The following METTL15 variants were observed in gnomAD, a reference collection of about 807,000 sequenced individuals.
METTL15 encodes 12S rRNA N(4)-cytidine methyltransferase METTL15.
A neutral mutation model predicts 38.3 loss-of-function variants in METTL15; 34 were observed. The observed-to-expected ratio is 0.89, with a 90% CI of 0.68 to 1.18. The LOEUF is 1.18. METTL15 is among the 50% of genes most tolerant of loss of function. The pLI, the probability that METTL15 is intolerant of heterozygous loss-of-function variation, is 0.00. For missense variants in METTL15, 438 were observed against 498.4 expected (o/e 0.88, Z 1.15); for synonymous variants, 162 against 170.9 (o/e 0.95, Z 0.41).
chr11:28,408,576 G>GTAA (rs1160348032), intron 5 of METTL15, among the ~76,000 whole-genome samples: 9 of 152,088 alleles, frequency 5.9e-5, no homozygotes, highest in African/African-American at 2.2e-4. Flanking sequence ...GACATAATAT[G>GTAA]TAATAATAGG....
intron 6 of METTL15, among the ~76,000 whole-genome samples, chr11:28,317,385 G>A (rs142578234): frequency 5.0e-4 from 76 of 151,850 alleles, no homozygotes; most frequent in Admixed American, 1.6e-3. Flanking sequence ...CAGGCAAAAG[G>A]ACATGGGTTG....
intron 4 of METTL15, among the ~76,000 whole-genome samples, chr11:28,360,587 G>A (rs1017601900): frequency 1.3e-5 from 2 of 152,070 alleles, no homozygotes; most frequent in Admixed American, 6.5e-5. Context: ...ACACTGCCTG[G>A]GTTCCAGAGG....
chr11:28,511,853 C>T (rs1851677047), intron 6 of METTL15, among the ~76,000 whole-genome samples: 1 of 152,152 alleles, frequency 6.6e-6, no homozygotes, highest in Admixed American at 6.5e-5. Flanking sequence ...GCTCTGGCAG[C>T]CTGCTTTTAT....
Position 28,389,144 on chromosome 11 carries a change from G to A in METTL15, c.*358+27108G>A, listed in dbSNP as rs575293381. 1.6e-3 allele frequency among the ~76,000 whole-genome samples: 248 copies of A among 152,042 alleles called. 1 individual carries two copies. The highest frequency in any genetic ancestry group is 2.9e-3 in the Non-Finnish European group (195 of 67,966). ...GTGAATAGTGCCTCAATAAACATACGTGTGCATGTGTCTTTATAGCAGCAT... is the reference window on the plus strand; with the variant it reads ...GTGAATAGTGCCTCAATAAACATACATGTGCATGTGTCTTTATAGCAGCAT... On this transcript the variant is annotated intron_variant and NMD_transcript_variant, in intron 5 of 7. Coordinates refer to the METTL15 transcript ENST00000532947.
intron 6 of METTL15, among the ~76,000 whole-genome samples, chr11:28,521,067 A>G (rs1040075615): frequency 6.6e-6 from 1 of 151,620 alleles, no homozygotes; most frequent in African/African-American, 2.4e-5. Flanking sequence ...GCAGTGATGC[A>G]TGTTCCAGGA....
At chr11:28,368,343 A>T (rs990935471) in intron 5 of METTL15, among the ~76,000 whole-genome samples, 7 of 152,296 alleles carry the variant, frequency 4.6e-5, no homozygotes, top group African/African-American at 1.7e-4. Context: ...TGGGCAAAGG[A>T]TATGAACAGA....
chr11:28,373,905 C>G (rs886411907), intron 5 of METTL15, among the ~76,000 whole-genome samples: 1 of 152,100 alleles, frequency 6.6e-6, no homozygotes, highest in Non-Finnish European at 1.5e-5. Flanking sequence ...TTTCCCAGCA[C>G]CACTTATTAA....
chr11:28,365,054 G>T (rs1278929687), intron 5 of METTL15, among the ~76,000 whole-genome samples: 1 of 152,232 alleles, frequency 6.6e-6, no homozygotes, highest in East Asian at 1.9e-4. Flanking sequence ...TTAACTTTTT[G>T]ATGTGCTGCT....
chr11:28,476,433 G>A (rs1229584380), intron 6 of METTL15, among the ~76,000 whole-genome samples: 1 of 152,124 alleles, frequency 6.6e-6, no homozygotes, highest in Non-Finnish European at 1.5e-5. Flanking sequence ...TTCTTATTTG[G>A]TATTATTGAT....
At chr11:28,290,109 T>C (rs1856451344) in intron 4 of METTL15, 97 bp from the exon 5 acceptor site, 1 of 990,762 alleles carries the variant, frequency 1.0e-6, no homozygotes, top group Non-Finnish European at 1.4e-6. Context: ...GGTTAAATCA[T>C]GTAATAATAG....
intron 4 of METTL15, among the ~76,000 whole-genome samples, chr11:28,219,339 A>G (rs1027924355): frequency 2.0e-5 from 3 of 152,108 alleles, no homozygotes; most frequent in Admixed American, 1.3e-4. Flanking sequence ...TTTCTAGTTT[A>G]GTTGTGTAGA....
At chr11:28,453,581 A>G (rs529453560) in intron 6 of METTL15, among the ~76,000 whole-genome samples, 3 of 152,356 alleles carry the variant, frequency 2.0e-5, no homozygotes, top group South Asian at 2.1e-4. Context: ...TCAGTAGAGC[A>G]TGTGTTTCTA....
At chr11:28,184,187 T>G (rs1851406432) in intron 3 of METTL15, among the ~76,000 whole-genome samples, 1 of 152,116 alleles carries the variant, frequency 6.6e-6, no homozygotes, top group Admixed American at 6.6e-5. Flanking sequence ...CTATCTGTTT[T>G]GTTGATCTTT....
At chr11:28,302,865 G>T (rs2134011578) in intron 6 of METTL15, among the ~76,000 whole-genome samples, 1 of 152,058 alleles carries the variant, frequency 6.6e-6, no homozygotes, top group African/African-American at 2.4e-5. Flanking sequence ...TGCTTTGATA[G>T]AATATTTTTA....
intron 3 of METTL15, among the ~76,000 whole-genome samples, chr11:28,190,198 A>T (rs957520555): frequency 6.6e-6 from 1 of 151,244 alleles, no homozygotes; most frequent in Non-Finnish European, 1.5e-5. Context: ...CTTGCTTGTG[A>T]CTATAACCTA....
chr11:28,180,956 G>C (rs1352197507), intron 3 of METTL15, among the ~76,000 whole-genome samples: 1 of 151,720 alleles, frequency 6.6e-6, no homozygotes, highest in East Asian at 1.9e-4. Context: ...AAATCTTTCA[G>C]ATTTTTTGCT....
At chr11:28,366,859 A>G (rs928335432) in intron 5 of METTL15, among the ~76,000 whole-genome samples, 1 of 152,150 alleles carries the variant, frequency 6.6e-6, no homozygotes, top group African/African-American at 2.4e-5. Context: ...TGACAACAAT[A>G]TATAGTCCAA....
At chr11:28,300,966 T>A (rs947712320) in intron 6 of METTL15, among the ~76,000 whole-genome samples, 3 of 152,070 alleles carry the variant, frequency 2.0e-5, no homozygotes, top group Non-Finnish European at 4.4e-5. Context: ...TCTCTCCTAC[T>A]CCCCATTGTA....
chr11:28,366,144 T>C (rs138861772), intron 5 of METTL15, among the ~76,000 whole-genome samples: 601 of 152,212 alleles, frequency 3.9e-3, no homozygotes, highest in Middle Eastern at 0.01. Flanking sequence ...CACTTTGCAC[T>C]GGTCATAGAT....
Sources: allele counts gnomAD v4.1 joint callset (sites outside exome capture counted in the v4.1 genomes callset), GRCh38; gene constraint gnomAD v4.1.1; transcripts MANE v1.5; gene names NCBI Gene and HGNC (gene_info 2026-07-23, HGNC 2026-07-21).